CDS1: variants seen among roughly 807,000 people sequenced by gnomAD.
CDS1 encodes the protein CDP-diacylglycerol synthase 1, also known as phosphatidate cytidylyltransferase 1.
In CDS1, 41 loss-of-function variants were observed where a neutral mutation model predicts 62.1. The observed-to-expected ratio is 0.66, with a 90% confidence interval of 0.51 to 0.86. The LOEUF is 0.86. Ranked by LOEUF, CDS1 falls within the 40% of genes least tolerant of loss-of-function variation. CDS1 has a pLI of 0.00. For synonymous variants in CDS1, 185 were observed against 192.6 expected (o/e 0.96, Z 0.32); for missense variants, 470 against 550.1 (o/e 0.85, Z 1.46).
In CDS1 at chr4:84,583,204, A is replaced by G; in HGVS notation, c.-198A>G. 1 of 492,994 alleles carries G rather than the reference A, an allele frequency of 2.0e-6. No homozygotes were observed. Among genetic ancestry groups the G allele is most frequent in the Non-Finnish European group, 3.6e-6 (1 of 280,258 alleles). The allele number at this position is 492,994 out of a possible 1,614,324, so 30.5% of individuals were successfully genotyped here. On this transcript the variant is annotated 5_prime_UTR_variant, in exon 1 of 13. Coordinates refer to ENST00000295887, the MANE Select transcript of CDS1 (RefSeq NM_001263.4). The stretch of plus-strand genomic sequence containing the variant: ...GCCGCGCTCGCTGCAGGCGGCCTCG[A>G]GCGCTCTCTCGTTGATGCCGTTTTG...
chr4:84,647,719 T>G (rs1024330912), intron 12 of CDS1, among the ~76,000 whole-genome samples: 6 of 152,202 alleles, frequency 3.9e-5, no homozygotes, highest in African/African-American at 1.4e-4. Context: ...TCTTGTGCAA[T>G]TTGTTAAGTC....
At chr4:84,604,486 C>A in intron 2 of CDS1, 116 bp downstream of exon 2, 1 of 865,782 alleles carries the variant, frequency 1.2e-6, no homozygotes, top group Non-Finnish European at 1.8e-6. Context: ...ATTAGGTGGT[C>A]AAAAAGGCCA....
chr4:84,620,219 G>GTTTT (rs1209622035), intron 5 of CDS1, among the ~76,000 whole-genome samples: 178 of 110,256 alleles, frequency 1.6e-3, no homozygotes, highest in Middle Eastern at 5.3e-3. Context: ...GTAATTAGTT[G>GTTTT]TTTTTTTTTT....
At chr4:84,596,344 A>G (rs893602390) in intron 1 of CDS1, among the ~76,000 whole-genome samples, 6 of 152,214 alleles carry the variant, frequency 3.9e-5, no homozygotes, top group African/African-American at 7.2e-5. Flanking sequence ...GGGTCTCCCT[A>G]GGCTAAAGTG....
At chr4:84,594,244 T>C (rs369582163) in intron 1 of CDS1, among the ~76,000 whole-genome samples, 3 of 152,162 alleles carry the variant, frequency 2.0e-5, no homozygotes, top group South Asian at 2.1e-4. Flanking sequence ...TTTTGAAGTT[T>C]ATATAGCACC....
At chr4:84,629,785 G>C (rs1723965706) in intron 5 of CDS1, among the ~76,000 whole-genome samples, 1 of 152,166 alleles carries the variant, frequency 6.6e-6, no homozygotes, top group Non-Finnish European at 1.5e-5. Context: ...GAGTTGCCAA[G>C]GTTGTCCTGG....
At chr4:84,645,477 G>A (rs1724530519) in intron 12 of CDS1, 152 bp downstream of exon 12, 1 of 598,232 alleles carries the variant, frequency 1.7e-6, no homozygotes, top group African/African-American at 1.9e-5. Context: ...GAGCAAGATG[G>A]TTAACTTGTA....
chr4:84,644,224 C>G (rs1176521350), intron 11 of CDS1, among the ~76,000 whole-genome samples: 1 of 152,160 alleles, frequency 6.6e-6, no homozygotes, highest in Non-Finnish European at 1.5e-5. Context: ...TGTTCCTGTT[C>G]TAAAGATGCT....
Position 84,643,004 on chromosome 4 carries a change from C to T in CDS1, c.1033-20C>T. 1 of 1,571,008 alleles carries T rather than the reference C, an allele frequency of 6.4e-7. No individual in the cohort carries two copies. On this transcript the variant is annotated intron_variant, in intron 10 of 12. Transcript: ENST00000295887. ...TTCAGTGAAATTAGCCCCTCTCCTC[C>T]CCTTCTTTCTCCTCTTTAGGAAAGA... is the stretch of plus-strand genomic sequence containing the variant.
At chr4:84,644,535 C>G (rs1176883005) in intron 11 of CDS1, among the ~76,000 whole-genome samples, 3 of 152,076 alleles carry the variant, frequency 2.0e-5, no homozygotes, top group African/African-American at 7.2e-5. Flanking sequence ...AACCAAACAG[C>G]TATTGCTGTT....
Position 84,583,595 on chromosome 4 carries a change from T to C in CDS1, c.117+77T>C. On this transcript the variant is annotated intron_variant, in intron 1 of 12. Transcript: ENST00000295887. ...GAAGCGGGACACTTGAGAGCAAGGG[T>C]GGGGCCCGTCCAGCGTCAGGTGAGG... is the stretch of plus-strand genomic sequence containing the variant. 3 of 824,966 alleles carry C rather than the reference T, an allele frequency of 3.6e-6. No homozygotes were observed. In the South Asian group the frequency reaches 5.5e-5, roughly 15 times the overall value. 51.1% of individuals were successfully genotyped at this position (824,966 alleles called of 1,614,324 possible).
intron 1 of CDS1, among the ~76,000 whole-genome samples, chr4:84,603,752 C>T (rs1723008021): frequency 6.6e-6 from 1 of 152,128 alleles, no homozygotes; most frequent in South Asian, 2.1e-4. Context: ...TCCATTTGAC[C>T]TGCTTCAATT....
At chr4:84,594,108 G>C (rs1722675940) in intron 1 of CDS1, among the ~76,000 whole-genome samples, 1 of 152,040 alleles carries the variant, frequency 6.6e-6, no homozygotes, top group South Asian at 2.1e-4. Flanking sequence ...TTAGTGTAGG[G>C]GAGTGAAAAC....
intron 12 of CDS1, among the ~76,000 whole-genome samples, chr4:84,646,790 A>G (rs1280424743): frequency 6.6e-6 from 1 of 152,082 alleles, no homozygotes; most frequent in Non-Finnish European, 1.5e-5. Flanking sequence ...GTTTAATTAA[A>G]TCTTCTGTAC....
chr4:84,617,479 T>A, intron 3 of CDS1, 85 bp from the exon 4 acceptor site: 1 of 709,748 alleles, frequency 1.4e-6, no homozygotes, highest in Non-Finnish European at 2.5e-6. Flanking sequence ...ATTTTTTAAA[T>A]ACATATGACA....
chr4:84,632,127 T>C (rs1244641736), intron 6 of CDS1, among the ~76,000 whole-genome samples: 1 of 152,196 alleles, frequency 6.6e-6, no homozygotes, highest in Admixed American at 6.5e-5. Context: ...TGGTGTAAAA[T>C]TAAAGTTTTT....
chr4:84,599,365 C>T (rs899618582), intron 1 of CDS1, among the ~76,000 whole-genome samples: 2 of 137,988 alleles, frequency 1.4e-5, no homozygotes, highest in Non-Finnish European at 3.1e-5. Flanking sequence ...AACATTCATT[C>T]CATAGCAAAT....
chr4:84,644,541 C>G (rs1214138466), intron 11 of CDS1, among the ~76,000 whole-genome samples: 1 of 152,052 alleles, frequency 6.6e-6, no homozygotes, highest in Non-Finnish European at 1.5e-5. Context: ...ACAGCTATTG[C>G]TGTTGTAGTT....
rs1049251241 is a variant in CDS1 at position 84,596,123 on chromosome 4, C to G, written c.118-8120C>G. On this transcript the variant is annotated intron_variant, in intron 1 of 12. Coordinates refer to ENST00000295887, the MANE Select transcript of CDS1 (RefSeq NM_001263.4). ...TCTCTCAGCACATACTCACCAAGCT[C>G]CTGGTTGCAGGAATGGCCATGGTGG... Among the ~76,000 whole-genome samples the G allele has an allele frequency of 8.5e-5, 13 of 152,144 alleles. No homozygotes were observed. In the South Asian group the frequency reaches 2.1e-3, roughly 24 times the overall value.
Sources: allele counts gnomAD v4.1 joint callset (sites outside exome capture counted in the v4.1 genomes callset), GRCh38; gene constraint gnomAD v4.1.1; transcripts MANE v1.5; gene names NCBI Gene and HGNC (gene_info 2026-07-23, HGNC 2026-07-21).